The following MPZL1 variants were observed in gnomAD, a reference collection of about 807,000 sequenced individuals.
MPZL1 encodes the protein myelin protein zero like 1, also known as myelin protein zero-like protein 1.
A neutral mutation model predicts 29.3 loss-of-function variants in MPZL1; 16 were observed. The ratio of observed to expected loss-of-function variants is 0.55; its 90% CI spans 0.37 to 0.83. The LOEUF (loss-of-function observed/expected upper bound fraction) is 0.83, where lower values mean the gene tolerates loss of function less well. Ranked by LOEUF, MPZL1 falls within the 40% of genes least tolerant of loss-of-function variation. The pLI, the probability that MPZL1 is intolerant of heterozygous loss-of-function variation, is 0.00. For missense variants in MPZL1, 279 were observed against 332.9 expected (o/e 0.84, Z 1.26); for synonymous variants, 143 against 132.0 (o/e 1.08, Z -0.57).
At chr1:167,785,798 T>C (rs1444975174) in intron 5 of MPZL1, among the ~76,000 whole-genome samples, 1 of 152,198 alleles carries the variant, frequency 6.6e-6, no homozygotes, top group Non-Finnish European at 1.5e-5. Context: ...AACAGTCTTT[T>C]TTTTGTTTTT....
intron 1 of MPZL1, among the ~76,000 whole-genome samples, chr1:167,745,332 TGGG>T (rs2101762414): frequency 6.6e-6 from 1 of 152,214 alleles, no homozygotes; most frequent in East Asian, 1.9e-4. Flanking sequence ...GTTTATGTTA[TGGG>T]GCAAAAATCT....
At chr1:167,733,869 C>T (rs1660319582) in intron 1 of MPZL1, among the ~76,000 whole-genome samples, 1 of 151,654 alleles carries the variant, frequency 6.6e-6, no homozygotes, top group African/African-American at 2.4e-5. Context: ...TGAGCCACTG[C>T]ACTCTAGCCT....
At chr1:167,780,289 A>G (rs1209215595) in intron 5 of MPZL1, among the ~76,000 whole-genome samples, 3 of 152,230 alleles carry the variant, frequency 2.0e-5, no homozygotes, top group Non-Finnish European at 4.4e-5. Context: ...GAGTGTGCCA[A>G]TAAAAGGTGG....
intron 1 of MPZL1, among the ~76,000 whole-genome samples, chr1:167,752,240 C>G (rs1260895303): frequency 2.0e-5 from 3 of 152,172 alleles, no homozygotes; most frequent in African/African-American, 7.2e-5. Flanking sequence ...AAAATATTCC[C>G]TGACCTCTTC....
At position 167,772,280 on chromosome 1, in the gene MPZL1, C is replaced by T; in HGVS notation, c.264C>T (p.Phe88=). Reference sequence around the variant, plus strand: ...TTCCTTTTTTCTAATTGCAGTTTTTCCACTACTCCCAAGGGCAAGTGTACC... The same window carrying T: ...TTCCTTTTTTCTAATTGCAGTTTTTTCACTACTCCCAAGGGCAAGTGTACC... ...PEGADTTVSF[F]HYSQGQVYLG... is the part of the protein sequence containing the mutation. Residue 88 remains phenylalanine, a synonymous_variant, in exon 3 of 6, where the codon TTC becomes TTT. Transcript: ENST00000359523. 3 of 1,612,030 alleles carry T rather than the reference C, an allele frequency of 1.9e-6. No individual in the cohort carries two copies. The highest frequency in any genetic ancestry group is 2.5e-6 in the Non-Finnish European group (3 of 1,178,616).
intron 5 of MPZL1, 69 bp downstream of exon 5, chr1:167,776,235 G>T: frequency 8.9e-7 from 1 of 1,129,100 alleles, no homozygotes; most frequent in African/African-American, 1.6e-5. Flanking sequence ...ACTTCCTTGG[G>T]TGTGGAAAAG....
At chr1:167,728,099 G>A (rs1458864466) in intron 1 of MPZL1, among the ~76,000 whole-genome samples, 18 of 144,622 alleles carry the variant, frequency 1.2e-4, no homozygotes, top group African/African-American at 2.6e-4. Flanking sequence ...GAGTGCAGTC[G>A]CGCCATCTCG....
chr1:167,745,987 A>C (rs1660638570), intron 1 of MPZL1, among the ~76,000 whole-genome samples: 2 of 152,134 alleles, frequency 1.3e-5, no homozygotes, highest in African/African-American at 4.8e-5. Flanking sequence ...GGACACAGAA[A>C]ATAATGTGTC....
At chr1:167,766,048 C>T (rs1003161261) in intron 2 of MPZL1, among the ~76,000 whole-genome samples, 1 of 152,030 alleles carries the variant, frequency 6.6e-6, no homozygotes, top group Non-Finnish European at 1.5e-5. Context: ...TCTTTTATTG[C>T]CCCATATTTA....
At chr1:167,764,516 C>A (rs1661067472) in intron 1 of MPZL1, among the ~76,000 whole-genome samples, 1 of 152,128 alleles carries the variant, frequency 6.6e-6, no homozygotes, top group Admixed American at 6.5e-5. Flanking sequence ...CCAAAACATG[C>A]ATTTTTCTTC....
chr1:167,768,874 T>C (rs1228322809), intron 2 of MPZL1, among the ~76,000 whole-genome samples: 2 of 152,084 alleles, frequency 1.3e-5, no homozygotes, highest in East Asian at 3.9e-4. Flanking sequence ...TGTGGAGATG[T>C]TGTGGGAAGG....
chr1:167,724,713 A>G (rs1047285384), intron 1 of MPZL1, among the ~76,000 whole-genome samples: 3 of 152,178 alleles, frequency 2.0e-5, no homozygotes, highest in Admixed American at 6.5e-5. Flanking sequence ...GATGCGGGTA[A>G]GACATCCAAA....
intron 5 of MPZL1, among the ~76,000 whole-genome samples, chr1:167,781,153 ATAGT>A (rs1661488469): frequency 6.6e-6 from 1 of 152,186 alleles, no homozygotes; most frequent in Admixed American, 6.5e-5. Context: ...ATTCACAATC[ATAGT>A]TGGAGGTTTC....
rs77980887 is a variant in MPZL1 at position 167,736,628 on chromosome 1, C to T, written c.91+14386C>T. 5.6e-3 allele frequency among the ~76,000 whole-genome samples: 860 copies of T among 152,288 alleles called. 7 individuals carry two copies. Among genetic ancestry groups the T allele is most frequent in the African/African-American group, 0.018 (766 of 41,546 alleles). Reference sequence around the variant, plus strand: ...TCCTTCCCTTTCCTCACCTCACCTCCCTGGATTTAATCAGATCTCTGCCAG... The same window carrying T: ...TCCTTCCCTTTCCTCACCTCACCTCTCTGGATTTAATCAGATCTCTGCCAG... On this transcript the variant is annotated intron_variant, in intron 1 of 5. Transcript: ENST00000359523.
intron 5 of MPZL1, among the ~76,000 whole-genome samples, chr1:167,778,839 A>G (rs548987892): frequency 2.1e-4 from 32 of 152,290 alleles, no homozygotes; most frequent in Non-Finnish European, 3.4e-4. Flanking sequence ...CTGCAAAAAA[A>G]AAAGGTCAAT....
chr1:167,765,488 A>G (rs1661093309), intron 1 of MPZL1, 95 bp from the exon 2 acceptor site: 2 of 1,028,188 alleles, frequency 1.9e-6, no homozygotes, highest in Non-Finnish European at 2.8e-6. Context: ...GTATATATCT[A>G]GTAACTTTGC....
At position 167,788,208 on chromosome 1, in the gene MPZL1, A is replaced by C; in HGVS notation, c.*287A>C. On this transcript the variant is annotated 3_prime_UTR_variant, in exon 6 of 6. Coordinates refer to ENST00000359523, the MANE Select transcript of MPZL1 (RefSeq NM_003953.6). The stretch of plus-strand genomic sequence containing the variant: ...TCTTTTCAGGTCATTTACAATTGGG[A>C]GATTTCAGAAACATTCCTTTCACCA... 3.2e-6 allele frequency: 1 copy of C among 314,784 alleles called. No individual in the cohort carries two copies. The allele number at this position is 314,784 out of a possible 1,614,324, so 19.5% of individuals were successfully genotyped here. A position where few individuals can be genotyped will look rare whatever the true frequency, so the allele number is the denominator to read the frequency against.
intron 1 of MPZL1, among the ~76,000 whole-genome samples, chr1:167,746,458 G>A (rs962524838): frequency 6.6e-6 from 1 of 150,864 alleles, no homozygotes; most frequent in Non-Finnish European, 1.5e-5. Context: ...AAAGGGGTGG[G>A]CAGCATTGGC....
intron 1 of MPZL1, among the ~76,000 whole-genome samples, chr1:167,757,520 T>A (rs1359725157): frequency 6.6e-6 from 1 of 152,208 alleles, no homozygotes; most frequent in African/African-American, 2.4e-5. Context: ...AAATAAAACA[T>A]TACCAATAGT....
Sources: gnomAD v4.1 joint callset for allele counts (sites outside exome capture counted in the v4.1 genomes callset) on GRCh38, gnomAD v4.1.1 for gene constraint, MANE v1.5 for transcripts, NCBI Gene and HGNC (gene_info 2026-07-23, HGNC 2026-07-21) for gene names.